Variants in DCP2 observed in about 807,000 individuals in gnomAD.
DCP2 encodes decapping mRNA 2.
Under a neutral mutation model 56.1 loss-of-function variants are expected in DCP2, and 30 were observed. The ratio of observed to expected loss-of-function variants is 0.53; its 90% CI spans 0.40 to 0.73. The LOEUF is 0.73. Ranked by LOEUF, DCP2 falls within the 30% of genes least tolerant of loss-of-function variation. The probability of loss-of-function intolerance (pLI) is 0.00; values close to 1 mark genes in which losing one functional copy is unlikely to be tolerated. For missense variants in DCP2, 533 were observed against 502.7 expected (o/e 1.06, Z -0.58); for synonymous variants, 197 against 163.3 (o/e 1.21, Z -1.57).
chr5:112,992,331 A>T, intron 3 of DCP2, 83 bp downstream of exon 3: 9 of 1,503,352 alleles, frequency 6.0e-6, no homozygotes, highest in Non-Finnish European at 8.0e-6. Flanking sequence ...TAGTGTTTCT[A>T]AATTGAGGTT....
In DCP2 at chr5:113,010,772, T is replaced by C; in HGVS notation, c.1064T>C (p.Leu355Pro). Residue 355 changes from leucine (L) to proline (P), a missense_variant, in exon 10 of 11, where the codon CTT becomes CCT. By Grantham distance (98) the Leu-to-Pro change is moderately conservative (BLOSUM62 -3). This residue lies in a region of DCP2 where 392 missense variants were observed against 346.6 expected (regional missense o/e 1.13). Coordinates refer to ENST00000389063, the MANE Select transcript of DCP2 (RefSeq NM_152624.6). The stretch of plus-strand genomic sequence containing the variant: ...TTTAAATAGAAGTGTGAAAAGAAAC[T>C]TCATCCACGGAAACTTCAGGATAAT... The part of the protein sequence containing the change: ...QNSLMKCEKK[L>P]HPRKLQDNFE... 6.3e-7 allele frequency: 1 copy of C among 1,595,490 alleles called. No homozygotes were observed.
chr5:113,010,193 C>G (rs1296182172), intron 9 of DCP2, among the ~76,000 whole-genome samples: 1 of 150,472 alleles, frequency 6.6e-6, no homozygotes, highest in Non-Finnish European at 1.5e-5. Flanking sequence ...GCACCACACC[C>G]TACTAATTCT....
chr5:112,998,242 A>C (rs997378011), intron 4 of DCP2, among the ~76,000 whole-genome samples: 11 of 152,244 alleles, frequency 7.2e-5, no homozygotes, highest in Admixed American at 1.3e-4. Flanking sequence ...ATATTGTACT[A>C]CTTCCTCCCT....
rs767414314 is a variant in DCP2 at position 113,014,335 on chromosome 5, AT to A, written c.*852del. ...CTGTATTCCAGTTGTGTAAATATGTATGGAAAACTGATATTACTAGGTTTTA... is the reference window on the plus strand; with the variant it reads ...CTGTATTCCAGTTGTGTAAATATGTAGGAAAACTGATATTACTAGGTTTTA... On this transcript the variant is annotated 3_prime_UTR_variant, in exon 11 of 11. Transcript: ENST00000389063. 10 of 152,202 alleles carry A rather than the reference AT, an allele frequency of 6.6e-5. No homozygotes were observed. The highest frequency in any genetic ancestry group is 1.3e-4 in the Non-Finnish European group (9 of 68,036). The allele number at this position is 152,202 out of a possible 1,614,324, so 9.4% of individuals were successfully genotyped here.
At chr5:112,988,052 T>A (rs1302282332) in intron 2 of DCP2, among the ~76,000 whole-genome samples, 1 of 152,184 alleles carries the variant, frequency 6.6e-6, no homozygotes, top group African/African-American at 2.4e-5. Context: ...CCTATCACTT[T>A]CCTTTAGCCT....
intron 4 of DCP2, among the ~76,000 whole-genome samples, chr5:113,000,754 A>C (rs535384784): frequency 6.6e-6 from 1 of 152,262 alleles, no homozygotes; most frequent in African/African-American, 2.4e-5. Flanking sequence ...AGATTTGGAG[A>C]GTGGGAAATC....
At chr5:113,008,451 T>A (rs1385567936) in intron 9 of DCP2, 1 of 144,756 alleles carries the variant, frequency 6.9e-6, no homozygotes, top group East Asian at 2.0e-4. Context: ...GCTATTGTCA[T>A]TAGATTTTGC....
intron 4 of DCP2, among the ~76,000 whole-genome samples, chr5:112,997,811 C>T (rs1238950444): frequency 2.6e-5 from 4 of 152,032 alleles, no homozygotes; most frequent in Non-Finnish European, 5.9e-5. Flanking sequence ...GATGGGGTTT[C>T]ACTATGTTGG....
At chr5:112,989,393 A>T (rs1748467671) in intron 2 of DCP2, among the ~76,000 whole-genome samples, 1 of 151,972 alleles carries the variant, frequency 6.6e-6, no homozygotes, top group South Asian at 2.1e-4. Flanking sequence ...ACAGTGATCA[A>T]TAAATGTTAA....
chr5:113,012,895 G>C (rs1209163819), intron 10 of DCP2, among the ~76,000 whole-genome samples: 3 of 152,106 alleles, frequency 2.0e-5, no homozygotes, highest in African/African-American at 7.2e-5. Flanking sequence ...GCCCTCCTTG[G>C]CCTCCCAAAG....
intron 2 of DCP2, among the ~76,000 whole-genome samples, chr5:112,991,869 T>C (rs1042032334): frequency 3.3e-5 from 5 of 152,142 alleles, no homozygotes; most frequent in African/African-American, 7.2e-5. Flanking sequence ...AGGCTACAAA[T>C]GAAAAAGTTA....
intron 8 of DCP2, among the ~76,000 whole-genome samples, chr5:113,004,594 A>T (rs1401858197): frequency 6.6e-6 from 1 of 152,196 alleles, no homozygotes; most frequent in Non-Finnish European, 1.5e-5. Flanking sequence ...GAACATTCCT[A>T]TACCTGTCTT....
intron 3 of DCP2, 145 bp from the exon 4 acceptor site, chr5:112,992,527 C>G (rs1458112168): frequency 5.6e-6 from 4 of 711,530 alleles, no homozygotes; most frequent in Non-Finnish European, 2.3e-6. Context: ...TGTATTCAGA[C>G]TCACTGAAGA....
At chr5:113,010,895 C>G in intron 10 of DCP2, 88 bp downstream of exon 10, 1 of 1,346,532 alleles carries the variant, frequency 7.4e-7, no homozygotes, top group Non-Finnish European at 1.0e-6. Flanking sequence ...AGTATGTGAT[C>G]TGTGATAGTT....
intron 1 of DCP2, among the ~76,000 whole-genome samples, chr5:112,980,072 G>GGT (rs1383543578): frequency 6.6e-6 from 1 of 152,128 alleles, no homozygotes; most frequent in Non-Finnish European, 1.5e-5. Flanking sequence ...TATGTGTAAA[G>GGT]GTGAATCTGC....
At chr5:112,984,444 A>G (rs1009817252) in intron 1 of DCP2, 1 of 151,922 alleles carries the variant, frequency 6.6e-6, no homozygotes, top group African/African-American at 2.4e-5. Flanking sequence ...ATACCCAACT[A>G]TATTGATCAT....
Position 113,007,974 on chromosome 5 carries a change from C to G in DCP2, c.979C>G (p.Gln327Glu). ...SMRGNGRKQY[Q>E]DSPNQKKRTN... ...GAGGGGAAATGGCAGAAAACAGTAT[C>G]AAGATTCACCTAATCAAAAGAAAAG... Residue 327 changes from glutamine to glutamate, a missense_variant, in exon 9 of 11, where the codon CAA (glutamine) becomes GAA (glutamate). Physicochemically the swap from Gln to Glu is conservative, Grantham distance 29. Around this residue, in one of 3 missense-constraint regions of DCP2, gnomAD observed 392 missense variants for 346.6 expected, o/e 1.13. Transcript: ENST00000389063. The G allele has an allele frequency of 6.2e-7, 1 of 1,613,744 alleles. No homozygotes were observed. The highest frequency in any genetic ancestry group is 8.5e-7 in the Non-Finnish European group (1 of 1,179,822).
chr5:112,993,486 C>CGTG (rs1561692270), intron 4 of DCP2, among the ~76,000 whole-genome samples: 1 of 151,874 alleles, frequency 6.6e-6, no homozygotes, highest in African/African-American at 2.4e-5. Flanking sequence ...ATTAGCTGGG[C>CGTG]GTGGTGGTAC....
rs563759322 is a variant in DCP2 at position 112,995,911 on chromosome 5, T to C, written c.432+3141T>C. The stretch of plus-strand genomic sequence containing the variant: ...GGAAGTCCAAGAGCAAGGTGACTTA[T>C]AGATTAACACCTTGCTGAGCACACT... On this transcript the variant is annotated intron_variant, in intron 4 of 10. Coordinates refer to ENST00000389063, the MANE Select transcript of DCP2 (RefSeq NM_152624.6). Among the ~76,000 whole-genome samples, 63 of 152,330 alleles carry C rather than the reference T, an allele frequency of 4.1e-4. 1 individual carries two copies. The South Asian group carries it at 6.6e-3, about 16-fold the overall frequency.
Sources: allele counts gnomAD v4.1 joint callset (sites outside exome capture counted in the v4.1 genomes callset), GRCh38; gene constraint gnomAD v4.1.1; regional missense constraint gnomAD v4.1.1; transcripts MANE v1.5; gene names NCBI Gene and HGNC (gene_info 2026-07-23, HGNC 2026-07-21).